NFASC: variants seen among roughly 807,000 people sequenced by gnomAD.
NFASC encodes the protein neurofascin, also known as neurofascin homolog.
NFASC carries 43 observed loss-of-function variants against 147.5 expected under a neutral mutation model. The ratio of observed to expected loss-of-function variants is 0.29; its 90% CI spans 0.23 to 0.38. The LOEUF (loss-of-function observed/expected upper bound fraction) is 0.38. Ranked by LOEUF, NFASC falls within the 10% of genes least tolerant of loss-of-function variation. NFASC has a pLI of 1.00. For missense variants in NFASC, 1,320 were observed against 1,689.0 expected (o/e 0.78, Z 3.83); for synonymous variants, 622 against 665.5 (o/e 0.93, Z 1.01).
chr1:205,001,096 T>C, intron 25 of NFASC, 74 bp from the exon 26 acceptor site: 2 of 832,716 alleles, frequency 2.4e-6, no homozygotes, highest in South Asian at 2.9e-5. Flanking sequence ...CACGCTTGTG[T>C]GTATGTGTGT....
At chr1:204,996,873 G>A (rs1018195710) in intron 24 of NFASC, among the ~76,000 whole-genome samples, 6 of 152,156 alleles carry the variant, frequency 3.9e-5, no homozygotes, top group East Asian at 1.9e-4. Context: ...GATTCAGCCC[G>A]TGCCCCCTTC....
chr1:204,928,179 A>C (rs1216329136), intron 2 of NFASC, among the ~76,000 whole-genome samples: 1 of 152,164 alleles, frequency 6.6e-6, no homozygotes, highest in Non-Finnish European at 1.5e-5. Context: ...TAATCCACAA[A>C]TCTTATTTAA....
intron 1 of NFASC, among the ~76,000 whole-genome samples, chr1:204,919,202 T>G (rs2089953740): frequency 6.6e-6 from 1 of 152,030 alleles, no homozygotes; most frequent in Admixed American, 6.6e-5. Flanking sequence ...TTTTTTGCAT[T>G]TTAGTGGAGA....
chr1:204,944,625 C>T (rs949242448), intron 3 of NFASC: 2 of 525,290 alleles, frequency 3.8e-6, no homozygotes, highest in African/African-American at 3.9e-5. Context: ...TTTCTCAGGG[C>T]TGTGGCTGAG....
intron 2 of NFASC, among the ~76,000 whole-genome samples, chr1:204,926,541 G>A (rs1489293568): frequency 6.7e-6 from 1 of 148,858 alleles, no homozygotes; most frequent in Non-Finnish European, 1.5e-5. Context: ...AGCCTCTTGA[G>A]TAGCTGGGAC....
chr1:204,973,732 C>T (rs1226493825), intron 12 of NFASC, among the ~76,000 whole-genome samples: 1 of 152,154 alleles, frequency 6.6e-6, no homozygotes, highest in African/African-American at 2.4e-5. Flanking sequence ...AGTCTTCTCC[C>T]TCCCCTGATG....
At chr1:204,897,078 C>A (rs1398384213) in intron 1 of NFASC, among the ~76,000 whole-genome samples, 1 of 151,510 alleles carries the variant, frequency 6.6e-6, no homozygotes, top group Non-Finnish European at 1.5e-5. Flanking sequence ...CCCAGACATG[C>A]TGATTCAGAA....
At chr1:204,934,822 T>C (rs1270313551) in intron 2 of NFASC, among the ~76,000 whole-genome samples, 1 of 152,132 alleles carries the variant, frequency 6.6e-6, no homozygotes, top group Non-Finnish European at 1.5e-5. Flanking sequence ...CTGGAATTGG[T>C]GTAGGATTGC....
At chr1:204,830,627 G>T (rs1213165899) in intron 1 of NFASC, among the ~76,000 whole-genome samples, 2 of 150,520 alleles carry the variant, frequency 1.3e-5, no homozygotes, top group Non-Finnish European at 3.0e-5. Flanking sequence ...TGTGTGTTGT[G>T]ATGTGTGTGT....
At chr1:204,967,510 G>A (rs561064269) in intron 8 of NFASC, among the ~76,000 whole-genome samples, 21 of 152,116 alleles carry the variant, frequency 1.4e-4, no homozygotes, top group South Asian at 4.2e-4. Context: ...TGACTGTTCC[G>A]GCCTAGTTGC....
At chr1:204,918,566 T>C (rs2149410211) in intron 1 of NFASC, among the ~76,000 whole-genome samples, 1 of 151,736 alleles carries the variant, frequency 6.6e-6, no homozygotes, top group East Asian at 1.9e-4. Flanking sequence ...ATCTTCATTT[T>C]TACATAATTC....
intron 27 of NFASC, among the ~76,000 whole-genome samples, chr1:205,003,479 G>C (rs1307004839): frequency 6.6e-6 from 1 of 152,214 alleles, no homozygotes; most frequent in African/African-American, 2.4e-5. Context: ...TGTGCTAGTA[G>C]GGGTAGCTGG....
chr1:204,859,255 G>T (rs2076459517), intron 1 of NFASC, among the ~76,000 whole-genome samples: 1 of 152,186 alleles, frequency 6.6e-6, no homozygotes, highest in Admixed American at 6.5e-5. Flanking sequence ...TTCTAACCAT[G>T]CTCTGCTCAC....
chr1:204,950,100 A>G (rs1013295140), intron 3 of NFASC, among the ~76,000 whole-genome samples: 3 of 152,356 alleles, frequency 2.0e-5, no homozygotes, highest in African/African-American at 7.2e-5. Flanking sequence ...TTTGCTCTGC[A>G]GCAGTGTTTC....
chr1:205,008,134 C>T (rs1226371770), intron 27 of NFASC, among the ~76,000 whole-genome samples: 1 of 152,072 alleles, frequency 6.6e-6, no homozygotes, highest in Non-Finnish European at 1.5e-5. Flanking sequence ...GTGCAATGCC[C>T]TTGACTGGGC....
At chr1:204,865,899 C>T (rs2077066595) in intron 1 of NFASC, among the ~76,000 whole-genome samples, 1 of 152,200 alleles carries the variant, frequency 6.6e-6, no homozygotes, top group Non-Finnish European at 1.5e-5. Flanking sequence ...GGCAGTTTTA[C>T]AAAGTGATTG....
intron 3 of NFASC, chr1:204,948,552 C>T (rs2068667): frequency 0.25 from 128,823 of 517,272 alleles, 16,910 homozygotes; most frequent in Non-Finnish European, 0.29. Context: ...CTGGCTCGCT[C>T]ACCTCTCTGG....
intron 1 of NFASC, among the ~76,000 whole-genome samples, chr1:204,883,527 G>A (rs2080720676): frequency 6.6e-6 from 1 of 152,228 alleles, no homozygotes; most frequent in Admixed American, 6.5e-5. Context: ...CTGGCAGGTG[G>A]AAGATGACCC....
intron 1 of NFASC, among the ~76,000 whole-genome samples, chr1:204,870,285 C>T (rs186880566): frequency 1.3e-5 from 2 of 152,288 alleles, no homozygotes; most frequent in Middle Eastern, 3.4e-3. Context: ...CTGAGGCTCT[C>T]GAGCAGAAGT....
Sources: allele counts gnomAD v4.1 joint callset (sites outside exome capture counted in the v4.1 genomes callset), GRCh38; gene constraint gnomAD v4.1.1; transcripts MANE v1.5; gene names NCBI Gene and HGNC (gene_info 2026-07-23, HGNC 2026-07-21).